Variants in PPP2R3A observed in about 807,000 individuals in gnomAD.
PPP2R3A encodes the protein serine/threonine-protein phosphatase 2A regulatory subunit B'' subunit alpha.
PPP2R3A carries 80 observed loss-of-function variants against 106.9 expected under a neutral mutation model. The observed-to-expected ratio is 0.75, with a 90% CI of 0.62 to 0.90. The LOEUF (loss-of-function observed/expected upper bound fraction) is 0.90, where lower values mean the gene tolerates loss of function less well. PPP2R3A is among the 40% of genes least tolerant of loss of function. The probability of loss-of-function intolerance (pLI) is 0.00; values close to 1 mark genes in which losing one functional copy is unlikely to be tolerated. For missense variants in PPP2R3A, 1,386 were observed against 1,350.4 expected, an observed-to-expected ratio of 1.03 and a Z score of -0.41; for synonymous variants, 483 against 468.3, an observed-to-expected ratio of 1.03 and a Z score of -0.41.
chr3:136,138,691 T>C (rs143370580), intron 13 of PPP2R3A, among the ~76,000 whole-genome samples: 6 of 136,480 alleles, frequency 4.4e-5, no homozygotes, highest in African/African-American at 8.3e-5. Flanking sequence ...TAGAGAAATA[T>C]TGAATTTTTT....
chr3:136,101,336 G>A (rs191610804), intron 10 of PPP2R3A, among the ~76,000 whole-genome samples: 84 of 152,304 alleles, frequency 5.5e-4, no homozygotes, highest in East Asian at 7.7e-4. Context: ...TGAGAAGGGC[G>A]TGTAGGTAAA....
chr3:136,064,388 G>A (rs910372376), intron 5 of PPP2R3A, among the ~76,000 whole-genome samples: 20 of 151,798 alleles, frequency 1.3e-4, no homozygotes, highest in African/African-American at 2.2e-4. Context: ...TGCACGTTGC[G>A]CACATGTACC....
chr3:136,144,190 A>G (rs1461297709), intron 13 of PPP2R3A, among the ~76,000 whole-genome samples: 2 of 152,248 alleles, frequency 1.3e-5, no homozygotes, highest in African/African-American at 2.4e-5. Context: ...AAGGTTTAGC[A>G]GAAGGACATC....
In PPP2R3A at chr3:135,979,757, T is replaced by G. The variant is rs114158594; in HGVS notation, c.-441+13908T>G. On this transcript the variant is annotated intron_variant, in intron 1 of 13. Transcript: ENST00000264977. ...TATGGTAAGTATCCATTACATATGATAAGGGTTTTTTGGCTACAGATTAAA... is the reference window on the plus strand; with the variant it reads ...TATGGTAAGTATCCATTACATATGAGAAGGGTTTTTTGGCTACAGATTAAA... Among the ~76,000 whole-genome samples the G allele has an allele frequency of 2.5e-3, 383 of 151,710 alleles. 13 individuals are homozygous for G. The highest frequency in any genetic ancestry group is 8.7e-3 in the African/African-American group (357 of 41,126).
intron 6 of PPP2R3A, among the ~76,000 whole-genome samples, chr3:136,073,269 C>A (rs1033434440): frequency 3.3e-5 from 5 of 152,104 alleles, no homozygotes; most frequent in African/African-American, 1.2e-4. Context: ...ACCCAGCCAT[C>A]CCCAGGAAGT....
intron 2 of PPP2R3A, among the ~76,000 whole-genome samples, chr3:136,013,174 GTGTGTGTGTA>G (rs1490337623): frequency 8.1e-6 from 1 of 122,714 alleles, no homozygotes; most frequent in Non-Finnish European, 1.8e-5. Flanking sequence ...GTGTGTGTGT[GTGTGTGTGTA>G]TGTATGTATG....
intron 2 of PPP2R3A, among the ~76,000 whole-genome samples, chr3:136,019,417 A>T (rs1216986724): frequency 6.6e-6 from 1 of 152,096 alleles, no homozygotes; most frequent in African/African-American, 2.4e-5. Flanking sequence ...TGTCACCCCA[A>T]AACAGCTTTT....
intron 2 of PPP2R3A, among the ~76,000 whole-genome samples, chr3:136,013,100 C>T (rs1283403959): frequency 6.6e-6 from 1 of 151,952 alleles, no homozygotes; most frequent in Non-Finnish European, 1.5e-5. Context: ...CCAATTCCAT[C>T]CAGGTTTCTG....
intron 2 of PPP2R3A, among the ~76,000 whole-genome samples, chr3:136,021,393 G>C (rs760267985): frequency 6.6e-6 from 1 of 152,054 alleles, no homozygotes; most frequent in African/African-American, 2.4e-5. Context: ...GATAAAATTT[G>C]ATGTGAACAG....
intron 6 of PPP2R3A, 70 bp downstream of exon 6, chr3:136,070,622 A>G (rs1320154273): frequency 7.7e-7 from 1 of 1,293,284 alleles, no homozygotes; most frequent in East Asian, 2.5e-5. Context: ...TGCTATCCAG[A>G]ATTTCAAGTA....
At chr3:136,102,595 C>T (rs530860549) in intron 11 of PPP2R3A, among the ~76,000 whole-genome samples, 4 of 152,188 alleles carry the variant, frequency 2.6e-5, no homozygotes, top group Admixed American at 2.0e-4. Flanking sequence ...GATCCACCCA[C>T]CTCGGTCTCC....
rs1277932100 is a variant in PPP2R3A, at chr3:136,145,930, C to G, written c.*764C>G. On this transcript the variant is annotated 3_prime_UTR_variant, in exon 14 of 14. Coordinates refer to ENST00000264977, the MANE Select transcript of PPP2R3A (RefSeq NM_002718.5). ...TAACTTTTATCTTTTATTCATTGAA[C>G]TATTGAATGATGTATTTAATATCCA... is the stretch of plus-strand genomic sequence containing the variant. The G allele has an allele frequency of 6.6e-6, 1 of 152,172 alleles. No homozygotes were observed. Among genetic ancestry groups the G allele is most frequent in the Non-Finnish European group, 1.5e-5 (1 of 68,026 alleles). 9.4% of individuals were successfully genotyped at this position (152,172 alleles called of 1,614,324 possible).
At chr3:136,018,416 C>G (rs1934350653) in intron 2 of PPP2R3A, among the ~76,000 whole-genome samples, 1 of 152,018 alleles carries the variant, frequency 6.6e-6, no homozygotes, top group South Asian at 2.1e-4. Context: ...CCCATTTTTT[C>G]TTAAAACATC....
intron 1 of PPP2R3A, among the ~76,000 whole-genome samples, chr3:135,973,823 C>T (rs1937316736): frequency 6.6e-6 from 1 of 152,178 alleles, no homozygotes; most frequent in Admixed American, 6.5e-5. Context: ...GTTCTAGATA[C>T]CGGAGATATA....
At chr3:136,044,876 C>T (rs1177447109) in intron 4 of PPP2R3A, among the ~76,000 whole-genome samples, 1 of 152,118 alleles carries the variant, frequency 6.6e-6, no homozygotes, top group Admixed American at 6.5e-5. Context: ...GCAAGAGATC[C>T]CACAGCCACC....
At chr3:136,022,309 C>A (rs1311843360) in intron 2 of PPP2R3A, among the ~76,000 whole-genome samples, 4 of 152,064 alleles carry the variant, frequency 2.6e-5, no homozygotes, top group Non-Finnish European at 4.4e-5. Context: ...TGTTCATCAT[C>A]AGTTCAAGAA....
intron 1 of PPP2R3A, among the ~76,000 whole-genome samples, chr3:135,997,482 C>T (rs1320469751): frequency 1.3e-5 from 2 of 152,150 alleles, no homozygotes; most frequent in Admixed American, 1.3e-4. Flanking sequence ...CCAGAGCTCC[C>T]CTCACTTTAT....
chr3:136,089,620 T>A (rs1342705411), intron 9 of PPP2R3A, among the ~76,000 whole-genome samples: 1 of 150,998 alleles, frequency 6.6e-6, no homozygotes, highest in African/African-American at 2.4e-5. Flanking sequence ...TTTTTTTTCT[T>A]AAAAAAAAAC....
At chr3:136,059,611 G>A (rs1936007571) in intron 5 of PPP2R3A, among the ~76,000 whole-genome samples, 1 of 152,190 alleles carries the variant, frequency 6.6e-6, no homozygotes, top group Non-Finnish European at 1.5e-5. Context: ...ATTTGACCCA[G>A]CAGCCCCATT....
Sources: gnomAD v4.1 joint callset for allele counts (sites outside exome capture counted in the v4.1 genomes callset) on GRCh38, gnomAD v4.1.1 for gene constraint, MANE v1.5 for transcripts, NCBI Gene and HGNC (gene_info 2026-07-23, HGNC 2026-07-21) for gene names.